MCCC1: variants seen among roughly 807,000 people sequenced by gnomAD.
The protein encoded by MCCC1 is methylcrotonyl-CoA carboxylase subunit 1, also known as methylcrotonoyl-CoA carboxylase subunit alpha, mitochondrial.
MCCC1 carries 64 observed loss-of-function variants against 83.8 expected under a neutral mutation model. That is an observed-to-expected ratio of 0.76 (90% confidence interval 0.62 to 0.94). MCCC1 has a LOEUF of 0.94. Ranked by LOEUF, MCCC1 falls within the 40% of genes least tolerant of loss-of-function variation. The probability of loss-of-function intolerance (pLI) is 0.00; values close to 1 mark genes in which losing one functional copy is unlikely to be tolerated. For synonymous variants in MCCC1, 322 were observed against 315.4 expected (o/e 1.02, Z -0.22); for missense variants, 807 against 904.7 (o/e 0.89, Z 1.39).
At chr3:183,057,191 A>T in intron 8 of MCCC1, 120 bp downstream of exon 8, 1 of 808,292 alleles carries the variant, frequency 1.2e-6, no homozygotes, top group South Asian at 1.5e-5. Flanking sequence ...CTATTAGGCA[A>T]CAGTTGTCCA....
At chr3:183,045,624 T>C in intron 9 of MCCC1, 84 bp from the exon 10 acceptor site, 1 of 1,407,786 alleles carries the variant, frequency 7.1e-7, no homozygotes, top group Non-Finnish European at 1.0e-6. Context: ...CACATCAAGT[T>C]TTACCGCTGT....
chr3:183,114,698 A>T (rs757772027), intron 1 of MCCC1, among the ~76,000 whole-genome samples: 1 of 152,188 alleles, frequency 6.6e-6, no homozygotes, highest in East Asian at 1.9e-4. Context: ...AGAGCAAGCC[A>T]CTTATTCAGA....
chr3:183,091,165 G>C, intron 3 of MCCC1: 1 of 362,858 alleles, frequency 2.8e-6, no homozygotes, highest in South Asian at 2.1e-5. Context: ...TAAAAGCCCA[G>C]GTGAGGCTGC....
Position 183,048,550 on chromosome 3 carries a change from A to C in MCCC1, c.956-3010T>G, listed in dbSNP as rs183965594. ...ATTAAACAATGATAAAAGGGTAGAC[A>C]TAACAATTTTTAACATGCATGTACC... On this transcript the variant is annotated intron_variant, in intron 9 of 18. Coordinates refer to ENST00000265594, the MANE Select transcript of MCCC1 (RefSeq NM_020166.5). Among the ~76,000 whole-genome samples, 722 of 152,368 alleles carry C rather than the reference A, an allele frequency of 4.7e-3. 2 individuals carry two copies. The highest frequency in any genetic ancestry group is 0.016 in the African/African-American group (671 of 41,588).
At chr3:183,023,000 C>A (rs1295455280) in intron 15 of MCCC1, among the ~76,000 whole-genome samples, 1 of 152,170 alleles carries the variant, frequency 6.6e-6, no homozygotes, top group Non-Finnish European at 1.5e-5. Context: ...GCCAGAATCA[C>A]ATAATTAGAT....
intron 1 of MCCC1, among the ~76,000 whole-genome samples, chr3:183,115,125 G>A (rs889705631): frequency 1.3e-5 from 2 of 152,062 alleles, no homozygotes; most frequent in Non-Finnish European, 1.5e-5. Context: ...CCCCTCTGAC[G>A]GCCTTGATAA....
chr3:183,058,498 T>C (rs1205125876), intron 7 of MCCC1, among the ~76,000 whole-genome samples: 1 of 152,096 alleles, frequency 6.6e-6, no homozygotes, highest in African/African-American at 2.4e-5. Context: ...GGTACATGCC[T>C]GTAGTCCTAG....
chr3:183,017,560 C>T (rs934179172), intron 17 of MCCC1: 2 of 547,004 alleles, frequency 3.7e-6, no homozygotes, highest in Non-Finnish European at 3.3e-6. Context: ...AGAAGTAGAG[C>T]CCATGTGGTT....
At chr3:183,067,865 C>T (rs1219664083) in intron 7 of MCCC1, among the ~76,000 whole-genome samples, 1 of 152,152 alleles carries the variant, frequency 6.6e-6, no homozygotes, top group Non-Finnish European at 1.5e-5. Flanking sequence ...TGTAGAAATG[C>T]AGGATAAGCT....
intron 7 of MCCC1, among the ~76,000 whole-genome samples, chr3:183,062,986 T>C (rs1315399137): frequency 1.3e-5 from 2 of 151,990 alleles, no homozygotes; most frequent in Non-Finnish European, 2.9e-5. Flanking sequence ...CATTTTCCTA[T>C]TTACATTTTT....
chr3:183,112,925 A>T (rs1719523519), intron 1 of MCCC1, among the ~76,000 whole-genome samples: 1 of 151,574 alleles, frequency 6.6e-6, no homozygotes, highest in Non-Finnish European at 1.5e-5. Flanking sequence ...AAAAAAAAAT[A>T]AAAAATAAAA....
intron 7 of MCCC1, among the ~76,000 whole-genome samples, chr3:183,065,738 A>G (rs189692043): frequency 6.6e-6 from 1 of 152,346 alleles, no homozygotes; most frequent in East Asian, 1.9e-4. Flanking sequence ...TTAATCTTGT[A>G]AAAGAAATTC....
At chr3:183,113,457 C>T (rs1230658782) in intron 1 of MCCC1, among the ~76,000 whole-genome samples, 1 of 151,170 alleles carries the variant, frequency 6.6e-6, no homozygotes, top group Non-Finnish European at 1.5e-5. Flanking sequence ...GGAGATATAC[C>T]TAATGTAAAT....
chr3:183,016,752 G>A (rs763730496), intron 18 of MCCC1, among the ~76,000 whole-genome samples: 1 of 152,240 alleles, frequency 6.6e-6, no homozygotes, highest in Non-Finnish European at 1.5e-5. Context: ...ATTGTAAGTT[G>A]AGGACTGTCT....
intron 4 of MCCC1, among the ~76,000 whole-genome samples, chr3:183,076,489 G>C (rs905898350): frequency 4.6e-5 from 7 of 152,182 alleles, no homozygotes; most frequent in African/African-American, 1.7e-4. Context: ...TCACAGACAA[G>C]TCTGTGTGAA....
chr3:183,085,630 TA>T (rs57408690), intron 4 of MCCC1, among the ~76,000 whole-genome samples: 85,732 of 103,268 alleles, frequency 0.83, 35,846 homozygotes, highest in East Asian at 0.96. Flanking sequence ...ACCCTGTCTT[TA>T]AAAAAAAAAA....
In MCCC1 at chr3:183,045,536, A is replaced by G; in HGVS notation, c.960T>C (p.Thr320=). 1 of 1,613,978 alleles carries G rather than the reference A, an allele frequency of 6.2e-7. No homozygotes were observed. Residue 320 remains threonine, a synonymous_variant, in exon 10 of 19, where the codon ACT becomes ACC. Transcript: ENST00000265594. The part of the protein sequence containing the change: ...AKAVNYVGAG[T]VEFIMDSKHN... Reference sequence around the variant, plus strand: ...GTTTTGAGTCCATAATAAACTCCACAGTCCCTAAAAGGTAAAAAACAATGG... The same window carrying G: ...GTTTTGAGTCCATAATAAACTCCACGGTCCCTAAAAGGTAAAAAACAATGG...
chr3:183,025,706 A>C, intron 15 of MCCC1, 49 bp downstream of exon 15: 1 of 1,500,302 alleles, frequency 6.7e-7, no homozygotes. Context: ...TCAGTATAAA[A>C]GCGGTCAGAT....
chr3:183,025,647 G>T, intron 15 of MCCC1, 108 bp downstream of exon 15: 1 of 1,008,850 alleles, frequency 9.9e-7, no homozygotes, highest in Non-Finnish European at 1.6e-6. Context: ...CTTAACTACA[G>T]TCATAATAGT....
Sources: allele counts gnomAD v4.1 joint callset (sites outside exome capture counted in the v4.1 genomes callset), GRCh38; gene constraint gnomAD v4.1.1; transcripts MANE v1.5; gene names NCBI Gene and HGNC (gene_info 2026-07-23, HGNC 2026-07-21).